Variants in ARHGEF26 observed in about 807,000 individuals in gnomAD.
ARHGEF26 encodes Rho guanine nucleotide exchange factor 26.
A neutral mutation model predicts 89.4 loss-of-function variants in ARHGEF26; 59 were observed. The ratio of observed to expected loss-of-function variants is 0.66; its 90% CI spans 0.54 to 0.82. The LOEUF is 0.82. Among genes scored for constraint, ARHGEF26 ranks in the 40% least tolerant of loss-of-function variants. The pLI is 0.00. For missense variants in ARHGEF26, 1,234 were observed against 1,085.6 expected, an observed-to-expected ratio of 1.14 and a Z score of -1.92; for synonymous variants, 500 against 428.4, an observed-to-expected ratio of 1.17 and a Z score of -2.06.
chr3:154,210,611 G>A (rs1470314093), intron 9 of ARHGEF26, among the ~76,000 whole-genome samples: 1 of 151,652 alleles, frequency 6.6e-6, no homozygotes. Flanking sequence ...CACTGCACCT[G>A]GCCGCCAATT....
At chr3:154,198,177 G>A (rs1273609124) in intron 9 of ARHGEF26, among the ~76,000 whole-genome samples, 3 of 151,946 alleles carry the variant, frequency 2.0e-5, no homozygotes, top group Non-Finnish European at 2.9e-5. Flanking sequence ...ACCACAATGA[G>A]GTACCACCTT....
chr3:154,122,431 C>A lies in ARHGEF26; in HGVS notation c.439C>A (p.Pro147Thr). The A allele has an allele frequency of 1.2e-6, 2 of 1,611,340 alleles. No homozygotes were observed. The highest frequency in any genetic ancestry group is 8.5e-7 in the Non-Finnish European group (1 of 1,179,134). ...GCCGCCGCCGCCGGTTCTGCGCCCC[C>A]CGCGGACTCCTAACGCGCCCGCCCC... Reference protein sequence around the residue: ...APPPPPVLRPPRTPNAPAPCT... With the variant: ...APPPPPVLRPTRTPNAPAPCT... The change falls in exon 2 of 15, where the codon CCG becomes ACG. Residue 147 changes from proline to threonine, a missense_variant. Physicochemically the swap from Pro to Thr is conservative, Grantham distance 38 (BLOSUM62 -1). Coordinates refer to ENST00000465093, the MANE Select transcript of ARHGEF26 (RefSeq NM_015595.4).
At chr3:154,172,836 T>G (rs1357064688) in intron 6 of ARHGEF26, among the ~76,000 whole-genome samples, 3 of 152,320 alleles carry the variant, frequency 2.0e-5, no homozygotes, top group Non-Finnish European at 4.4e-5. Context: ...TCATTTGTAG[T>G]GATTTGATTT....
At chr3:154,170,971 A>G (rs1387506683) in intron 6 of ARHGEF26, among the ~76,000 whole-genome samples, 2 of 152,194 alleles carry the variant, frequency 1.3e-5, no homozygotes, top group African/African-American at 4.8e-5. Flanking sequence ...TTCAAGAAGT[A>G]AGTTGAAAAA....
At chr3:154,254,618 C>G (rs892420761) in intron 13 of ARHGEF26, 102 bp from the exon 14 acceptor site, 7 of 842,276 alleles carry the variant, frequency 8.3e-6, no homozygotes, top group African/African-American at 1.7e-5. Context: ...TCTCTCAATG[C>G]TGGCCCTGAA....
intron 3 of ARHGEF26, among the ~76,000 whole-genome samples, chr3:154,127,757 A>C (rs1363068343): frequency 6.6e-6 from 1 of 151,700 alleles, no homozygotes; most frequent in African/African-American, 2.4e-5. Flanking sequence ...TATTTTTGGC[A>C]GTACAATCGG....
At chr3:154,204,638 T>C (rs1714899385) in intron 9 of ARHGEF26, among the ~76,000 whole-genome samples, 2 of 152,144 alleles carry the variant, frequency 1.3e-5, no homozygotes, top group Admixed American at 6.6e-5. Flanking sequence ...CCTTTTCCTC[T>C]TTTTTGATTT....
intron 4 of ARHGEF26, among the ~76,000 whole-genome samples, chr3:154,141,449 T>C (rs1181247139): frequency 4.6e-5 from 7 of 152,200 alleles, no homozygotes; most frequent in African/African-American, 1.7e-4. Context: ...TCCAGTCAGC[T>C]TTGGCCTCCA....
chr3:154,147,234 CT>C (rs1404918875), intron 4 of ARHGEF26, among the ~76,000 whole-genome samples: 5 of 152,072 alleles, frequency 3.3e-5, no homozygotes, highest in African/African-American at 1.2e-4. Context: ...GTGAAACCCC[CT>C]CTCCACTAAA....
intron 11 of ARHGEF26, among the ~76,000 whole-genome samples, chr3:154,228,436 CTT>C (rs71744878): frequency 1.7e-4 from 24 of 141,546 alleles, no homozygotes; most frequent in African/African-American, 2.3e-4. Context: ...CGCACCTGGC[CTT>C]TTTTTTTTTT....
chr3:154,121,345 A>T (rs985015323), upstream of ARHGEF26: 15 of 151,150 alleles, frequency 9.9e-5, no homozygotes, highest in Non-Finnish European at 1.8e-4. Flanking sequence ...GCGGGGCCGA[A>T]ACGGGGGCGG....
At chr3:154,160,137 C>T (rs1711568690) in intron 6 of ARHGEF26, among the ~76,000 whole-genome samples, 1 of 152,080 alleles carries the variant, frequency 6.6e-6, no homozygotes, top group South Asian at 2.1e-4. Context: ...CACTTTTTGA[C>T]TGTTTCTCTA....
Position 154,129,641 on chromosome 3 carries a change from G to A in ARHGEF26, c.1191G>A (p.Glu397=). 6.2e-7 allele frequency: 1 copy of A among 1,611,638 alleles called. No individual in the cohort carries two copies. The highest frequency in any genetic ancestry group is 8.5e-7 in the Non-Finnish European group (1 of 1,178,814). The part of the protein sequence containing the change: ...ALDIDSDEES[E]PKEQKSDEKI... Reference sequence around the variant, plus strand: ...ACATTGATTCTGATGAAGAGTCAGAGCCCAAAGAACAGAAGTCAGATGAAA... The same window carrying A: ...ACATTGATTCTGATGAAGAGTCAGAACCCAAAGAACAGAAGTCAGATGAAA... The change falls in exon 4 of 15, where the codon GAG becomes GAA. Residue 397 remains glutamate (E), a synonymous_variant. Coordinates refer to ENST00000465093, the MANE Select transcript of ARHGEF26 (RefSeq NM_015595.4).
At chr3:154,194,895 T>C (rs1714194614) in intron 9 of ARHGEF26, among the ~76,000 whole-genome samples, 177 bp downstream of exon 9, 1 of 152,230 alleles carries the variant, frequency 6.6e-6, no homozygotes, top group Non-Finnish European at 1.5e-5. Context: ...AGTTGGTATT[T>C]TTACTGTTTC....
intron 6 of ARHGEF26, among the ~76,000 whole-genome samples, chr3:154,164,299 T>C (rs1711856539): frequency 6.6e-6 from 1 of 152,122 alleles, no homozygotes; most frequent in Non-Finnish European, 1.5e-5. Context: ...AAGACTGTTT[T>C]AGTATTAATT....
At chr3:154,239,397 G>A (rs923002205) in intron 11 of ARHGEF26, among the ~76,000 whole-genome samples, 1 of 151,066 alleles carries the variant, frequency 6.6e-6, no homozygotes, top group Non-Finnish European at 1.5e-5. Flanking sequence ...TCAAGGGAGA[G>A]GATCGGAAAC....
At chr3:154,242,367 ACT>A (rs1024528287) in intron 12 of ARHGEF26, among the ~76,000 whole-genome samples, 1 of 152,308 alleles carries the variant, frequency 6.6e-6, no homozygotes, top group African/African-American at 2.4e-5. Context: ...GTTGATTCCA[ACT>A]CTCATGGATG....
At chr3:154,156,805 C>T (rs1720364881) in intron 6 of ARHGEF26, among the ~76,000 whole-genome samples, 1 of 152,130 alleles carries the variant, frequency 6.6e-6, no homozygotes, top group Non-Finnish European at 1.5e-5. Flanking sequence ...GAAATAAAAT[C>T]TTGAGTAAAA....
intron 11 of ARHGEF26, among the ~76,000 whole-genome samples, chr3:154,235,594 A>C (rs1717074428): frequency 6.6e-6 from 1 of 152,230 alleles, no homozygotes; most frequent in African/African-American, 2.4e-5. Context: ...ACCTAGAGTG[A>C]TGATAGCTGT....
Sources: gnomAD v4.1 joint callset for allele counts (sites outside exome capture counted in the v4.1 genomes callset) on GRCh38, gnomAD v4.1.1 for gene constraint, MANE v1.5 for transcripts, NCBI Gene and HGNC (gene_info 2026-07-23, HGNC 2026-07-21) for gene names.